Variants in BASP1 observed in about 807,000 individuals in gnomAD.
BASP1 encodes the protein brain abundant membrane attached signal protein 1.
Under a neutral mutation model 2.2 loss-of-function variants are expected in BASP1, and 1 was observed. The observed-to-expected ratio is 0.46, with a 90% CI of 0.16 to 2.17. The LOEUF is 2.17. BASP1 is among the 30% of genes most tolerant of loss of function. The pLI, the probability that BASP1 is intolerant of heterozygous loss-of-function variation, is 0.27. For missense variants in BASP1, 352 were observed against 327.2 expected (o/e 1.08, Z -0.58); for synonymous variants, 187 against 154.2 (o/e 1.21, Z -1.58).
chr5:17,220,867 G>T (rs1739381293), intron 1 of BASP1, among the ~76,000 whole-genome samples: 1 of 152,108 alleles, frequency 6.6e-6, no homozygotes, highest in African/African-American at 2.4e-5. Context: ...TCATTTCATG[G>T]TCAAGCGGAG....
At chr5:17,240,270 C>T (rs1339726885) in intron 1 of BASP1, among the ~76,000 whole-genome samples, 3 of 152,130 alleles carry the variant, frequency 2.0e-5, no homozygotes, top group Non-Finnish European at 4.4e-5. Context: ...CATGGTGGCT[C>T]ACGCCTGTAA....
chr5:17,217,057 A>AGAGAGAGAGTGT (rs1346420543), upstream of BASP1: 1 of 94,502 alleles, frequency 1.1e-5, no homozygotes, highest in African/African-American at 3.7e-5. Context: ...TGAGGGGGAG[A>AGAGAGAGAGTGT]GAGAGAGAGA....
At chr5:17,227,224 C>T (rs529016825) in intron 1 of BASP1, among the ~76,000 whole-genome samples, 6 of 145,670 alleles carry the variant, frequency 4.1e-5, no homozygotes, top group Admixed American at 2.8e-4. Flanking sequence ...CCACCGCACC[C>T]GTCCTTTTTT....
rs1462917999 is a variant in BASP1, at chr5:17,236,905, T to C, written c.-10+19095T>C. Reference sequence around the variant, plus strand: ...GATGTAAATAAAACAAAATTCTGTATATTTAAAAAGCTGCTTGCGCTACTG... The same window carrying C: ...GATGTAAATAAAACAAAATTCTGTACATTTAAAAAGCTGCTTGCGCTACTG... On this transcript the variant is annotated intron_variant, in intron 1 of 1. Coordinates refer to ENST00000322611, the MANE Select transcript of BASP1 (RefSeq NM_006317.5). This position sits in a 1 kb window ranked among gnomAD's most constrained non-coding sequence, Gnocchi z 4.0. Among the ~76,000 whole-genome samples, 1 of 152,226 alleles carries C rather than the reference T, an allele frequency of 6.6e-6. No individual in the cohort carries two copies. Among genetic ancestry groups the C allele is most frequent in the East Asian group, 1.9e-4 (1 of 5,190 alleles).
intron 1 of BASP1, among the ~76,000 whole-genome samples, chr5:17,245,641 T>C (rs898355623): frequency 2.0e-5 from 3 of 152,042 alleles, no homozygotes; most frequent in Non-Finnish European, 4.4e-5. Context: ...GTGTAGAAAG[T>C]TACTTTTTTT....
At chr5:17,264,439 T>C (rs1204860235) in intron 1 of BASP1, among the ~76,000 whole-genome samples, 1 of 152,216 alleles carries the variant, frequency 6.6e-6, no homozygotes, top group African/African-American at 2.4e-5. Flanking sequence ...TAAAAAAAAT[T>C]GTTAGTGGAT....
intron 1 of BASP1, among the ~76,000 whole-genome samples, chr5:17,261,642 G>T (rs1218910975): frequency 6.6e-6 from 1 of 152,170 alleles, no homozygotes; most frequent in African/African-American, 2.4e-5. Context: ...ATAACAAAGT[G>T]TTCCACTTCA....
intron 1 of BASP1, among the ~76,000 whole-genome samples, chr5:17,225,006 C>G (rs1239876827): frequency 6.6e-6 from 1 of 152,314 alleles, no homozygotes; most frequent in African/African-American, 2.4e-5. Flanking sequence ...TAAGTACTTT[C>G]CTTGGAGCAG....
At chr5:17,218,355 T>G (rs1739311485) in intron 1 of BASP1, among the ~76,000 whole-genome samples, 1 of 152,088 alleles carries the variant, frequency 6.6e-6, no homozygotes, top group Non-Finnish European at 1.5e-5. Flanking sequence ...GGTGGCTTTT[T>G]GCTTTGGCAA....
chr5:17,266,815 A>C, intron 1 of BASP1, among the ~76,000 whole-genome samples: 1 of 8,034 alleles, frequency 1.2e-4, no homozygotes, highest in East Asian at 1.7e-3. Context: ...ATCCTGTCTC[A>C]AAAAAAAAAA....
At chr5:17,226,580 T>A (rs1343393585) in intron 1 of BASP1, among the ~76,000 whole-genome samples, 1 of 152,218 alleles carries the variant, frequency 6.6e-6, no homozygotes, top group Non-Finnish European at 1.5e-5. Context: ...AGTTATTGGG[T>A]CTTCATAGGA....
chr5:17,253,238 T>C (rs1740136086), intron 1 of BASP1, among the ~76,000 whole-genome samples: 1 of 152,208 alleles, frequency 6.6e-6, no homozygotes, highest in Non-Finnish European at 1.5e-5. Flanking sequence ...TAAGACAGGG[T>C]CTCACTCTGT....
intron 1 of BASP1, among the ~76,000 whole-genome samples, chr5:17,237,772 G>C (rs1403807174): frequency 6.6e-6 from 1 of 151,938 alleles, no homozygotes; most frequent in Non-Finnish European, 1.5e-5. Flanking sequence ...CACCATGCCT[G>C]GCTAATTTTT....
intron 1 of BASP1, among the ~76,000 whole-genome samples, chr5:17,229,497 A>G (rs1269108469): frequency 6.6e-6 from 1 of 152,158 alleles, no homozygotes; most frequent in Non-Finnish European, 1.5e-5. Context: ...GCAAAACTGC[A>G]TTGTTCTAGG....
intron 1 of BASP1, among the ~76,000 whole-genome samples, chr5:17,265,759 C>T (rs1740404311): frequency 6.6e-6 from 1 of 152,228 alleles, no homozygotes; most frequent in Admixed American, 6.5e-5. Flanking sequence ...AGAAACCTCA[C>T]ATTTCATTGC....
upstream of BASP1, among the ~76,000 whole-genome samples, chr5:17,217,327 T>G (rs981651334): frequency 4.5e-4 from 5 of 11,144 alleles, no homozygotes; most frequent in African/African-American, 4.4e-4. Context: ...GGAGGGGAGG[T>G]GGGGGCCCAG....
chr5:17,260,197 A>G lies in BASP1; in HGVS notation c.-9-15011A>G, dbSNP rs1320668035. Among the ~76,000 whole-genome samples, 1 of 152,202 alleles carries G rather than the reference A, an allele frequency of 6.6e-6. No homozygotes were observed. Among genetic ancestry groups the G allele is most frequent in the Admixed American group, 6.5e-5 (1 of 15,278 alleles). On this transcript the variant is annotated intron_variant, in intron 1 of 1. Coordinates refer to ENST00000322611, the MANE Select transcript of BASP1 (RefSeq NM_006317.5). The surrounding 1 kb of genome is among the most constrained non-coding windows in gnomAD (Gnocchi z 4.2). ...GACTATTGACGAGAATGAATAATGC[A>G]TGTTTCCTGATAGTGTTTGCTACAT... is the stretch of plus-strand genomic sequence containing the variant.
chr5:17,271,806 C>A (rs1322059903), intron 1 of BASP1, among the ~76,000 whole-genome samples: 1 of 152,096 alleles, frequency 6.6e-6, no homozygotes, highest in Non-Finnish European at 1.5e-5. Context: ...GTGGCTCACG[C>A]CTGTAATCCC....
intron 1 of BASP1, among the ~76,000 whole-genome samples, chr5:17,268,709 A>G (rs1270083067): frequency 3.3e-5 from 5 of 152,076 alleles, no homozygotes; most frequent in African/African-American, 1.2e-4. Context: ...CAATTGGAAA[A>G]CTCGGTAGAG....
Sources: gnomAD v4.1 joint callset for allele counts (sites outside exome capture counted in the v4.1 genomes callset) on GRCh38, gnomAD v4.1.1 for gene constraint, Gnocchi (gnomAD v3.1) non-coding constraint, MANE v1.5 for transcripts, NCBI Gene and HGNC (gene_info 2026-07-23, HGNC 2026-07-21) for gene names.